Variants in SCFD2 observed in about 807,000 individuals in gnomAD.
SCFD2 encodes the protein sec1 family domain-containing protein 2.
A neutral mutation model predicts 58.9 loss-of-function variants in SCFD2; 54 were observed. The observed-to-expected ratio is 0.92, with a 90% CI of 0.74 to 1.15. The LOEUF (loss-of-function observed/expected upper bound fraction) is 1.15. Among genes scored for constraint, SCFD2 ranks in the 50% most tolerant of loss-of-function variants. The probability of loss-of-function intolerance (pLI) is 0.00; values close to 1 mark genes in which losing one functional copy is unlikely to be tolerated. For synonymous variants in SCFD2, 321 were observed against 335.9 expected (o/e 0.96, Z 0.49); for missense variants, 805 against 836.6 (o/e 0.96, Z 0.47).
chr4:52,957,262 G>A (rs1720733587), intron 5 of SCFD2: 1 of 152,232 alleles, frequency 6.6e-6, no homozygotes. Flanking sequence ...GGGTCTGCAA[G>A]TGCTGGGTGT....
intron 4 of SCFD2, among the ~76,000 whole-genome samples, chr4:53,268,988 G>C (rs1731077933): frequency 6.6e-6 from 1 of 152,066 alleles, no homozygotes; most frequent in Non-Finnish European, 1.5e-5. Flanking sequence ...TTATGGAAAG[G>C]GGGAAAACTG....
intron 3 of SCFD2, among the ~76,000 whole-genome samples, chr4:53,283,013 T>C (rs956671005): frequency 6.6e-6 from 1 of 152,138 alleles, no homozygotes; most frequent in Non-Finnish European, 1.5e-5. Flanking sequence ...TCAGGGATAA[T>C]AGAGGTGGAT....
intron 5 of SCFD2, among the ~76,000 whole-genome samples, chr4:52,988,271 C>A (rs1384952208): frequency 4.6e-5 from 7 of 152,212 alleles, no homozygotes; most frequent in Non-Finnish European, 7.3e-5. Context: ...CAAATTAAGA[C>A]TGTTTGTATT....
chr4:53,263,636 T>A (rs1342054095), intron 4 of SCFD2, among the ~76,000 whole-genome samples: 1 of 152,250 alleles, frequency 6.6e-6, no homozygotes, highest in Admixed American at 6.5e-5. Flanking sequence ...TACCAGCACC[T>A]GCTCCAGTGG....
At chr4:53,247,656 G>A (rs1730141101) in intron 4 of SCFD2, among the ~76,000 whole-genome samples, 2 of 150,892 alleles carry the variant, frequency 1.3e-5, no homozygotes, top group African/African-American at 4.9e-5. Flanking sequence ...TCAGGAGATC[G>A]AGACCATCCT....
At chr4:53,210,404 C>T (rs528703672) in intron 4 of SCFD2, among the ~76,000 whole-genome samples, 8 of 152,178 alleles carry the variant, frequency 5.3e-5, no homozygotes, top group Admixed American at 2.0e-4. Flanking sequence ...CATAATAATA[C>T]TAAGTAATTA....
intron 3 of SCFD2, among the ~76,000 whole-genome samples, chr4:53,281,009 A>G (rs1178514655): frequency 5.9e-5 from 9 of 152,320 alleles, no homozygotes; most frequent in South Asian, 2.1e-4. Flanking sequence ...TACCCTATGA[A>G]GCACCCATTC....
At chr4:52,986,648 A>G (rs971886908) in intron 5 of SCFD2, among the ~76,000 whole-genome samples, 2 of 151,236 alleles carry the variant, frequency 1.3e-5, no homozygotes, top group African/African-American at 2.4e-5. Context: ...ACAGGCGCCC[A>G]CCACCACGCT....
intron 4 of SCFD2, among the ~76,000 whole-genome samples, chr4:53,195,043 T>C (rs191605058): frequency 6.6e-6 from 1 of 152,238 alleles, no homozygotes; most frequent in African/African-American, 2.4e-5. Context: ...ATGTATCATG[T>C]AGTGGTAAAG....
chr4:52,885,194 C>T (rs368843685), intron 8 of SCFD2, among the ~76,000 whole-genome samples: 10 of 152,088 alleles, frequency 6.6e-5, no homozygotes, highest in African/African-American at 2.4e-4. Flanking sequence ...CTCCTCTGGC[C>T]CCGCCCTCTA....
intron 4 of SCFD2, among the ~76,000 whole-genome samples, chr4:53,152,358 GA>G (rs1030540265): frequency 2.0e-4 from 29 of 145,726 alleles, no homozygotes; most frequent in African/African-American, 3.0e-4. Flanking sequence ...ATGGCTAAGT[GA>G]AAAAAAAAAA....
At chr4:52,916,698 AACCTT>A (rs1719617515) in intron 6 of SCFD2, among the ~76,000 whole-genome samples, 2 of 152,326 alleles carry the variant, frequency 1.3e-5, no homozygotes, top group Admixed American at 1.3e-4. Context: ...GTCAGCAATC[AACCTT>A]CTGCCATACA....
intron 4 of SCFD2, among the ~76,000 whole-genome samples, chr4:53,198,909 C>T (rs1446122767): frequency 6.6e-6 from 1 of 152,050 alleles, no homozygotes; most frequent in African/African-American, 2.4e-5. Flanking sequence ...GGACATAATT[C>T]TTCATAATTA....
chr4:53,280,517 A>G (rs1286882419), intron 3 of SCFD2, among the ~76,000 whole-genome samples: 1 of 144,852 alleles, frequency 6.9e-6, no homozygotes, highest in Non-Finnish European at 1.5e-5. Flanking sequence ...CTCTGTCTGG[A>G]AAAAAAAAAA....
intron 2 of SCFD2, among the ~76,000 whole-genome samples, chr4:53,340,864 C>A (rs1023558443): frequency 6.6e-6 from 1 of 152,182 alleles, no homozygotes; most frequent in East Asian, 1.9e-4. Flanking sequence ...TGGAGTGGAC[C>A]TCCAGCAAAC....
intron 5 of SCFD2, among the ~76,000 whole-genome samples, chr4:53,012,968 G>A (rs1338998070): frequency 6.6e-6 from 1 of 151,996 alleles, no homozygotes. Context: ...GACAGGAAGG[G>A]GCCCTAGCTA....
chr4:53,130,850 A>G (rs914321532), intron 5 of SCFD2, among the ~76,000 whole-genome samples: 39 of 152,218 alleles, frequency 2.6e-4, no homozygotes, highest in African/African-American at 9.2e-4. Context: ...AAATGCATAG[A>G]ACACTAACTA....
intron 5 of SCFD2, among the ~76,000 whole-genome samples, chr4:53,141,821 A>G (rs1019589117): frequency 6.6e-6 from 1 of 152,136 alleles, no homozygotes; most frequent in Non-Finnish European, 1.5e-5. Flanking sequence ...TCTGATGTCT[A>G]AGGCAGCAAA....
rs576738303 is a variant in SCFD2 at position 53,019,024 on chromosome 4, C to T, written c.1562-98154G>A. 1.5e-4 allele frequency among the ~76,000 whole-genome samples: 23 copies of T among 152,126 alleles called. No individual in the cohort carries two copies. In the East Asian group the frequency reaches 4.4e-3, roughly 29 times the overall value. On this transcript the variant is annotated intron_variant, in intron 5 of 8. Coordinates refer to ENST00000401642, the MANE Select transcript of SCFD2 (RefSeq NM_152540.4). ...TTTGGTCAGATGGGTCCTCTCATAC[C>T]CAGATGATAGGAATGAACTGCAGCA...
Sources: allele counts gnomAD v4.1 joint callset (sites outside exome capture counted in the v4.1 genomes callset), GRCh38; gene constraint gnomAD v4.1.1; transcripts MANE v1.5; gene names NCBI Gene and HGNC (gene_info 2026-07-23, HGNC 2026-07-21).